The following GPATCH2 variants were observed in gnomAD, a reference collection of about 807,000 sequenced individuals.
The protein encoded by GPATCH2 is G-patch domain containing 2.
A neutral mutation model predicts 58.0 loss-of-function variants in GPATCH2; 51 were observed. The observed-to-expected ratio is 0.88, with a 90% CI of 0.70 to 1.11. The LOEUF is 1.11. GPATCH2 is among the 50% of genes most tolerant of loss of function. The probability of loss-of-function intolerance (pLI) is 0.00; values close to 1 mark genes in which losing one functional copy is unlikely to be tolerated. For missense variants in GPATCH2, 625 were observed against 652.2 expected (o/e 0.96, Z 0.45); for synonymous variants, 222 against 218.5 (o/e 1.02, Z -0.14).
intron 8 of GPATCH2, among the ~76,000 whole-genome samples, chr1:217,472,254 T>C (rs951999369): frequency 2.0e-5 from 3 of 151,232 alleles, no homozygotes; most frequent in African/African-American, 7.3e-5. Context: ...AAATGACGTA[T>C]CACTTAGTAT....
chr1:217,630,900 G>C lies in GPATCH2; in HGVS notation c.56+16C>G, dbSNP rs758239974. 1.1e-5 allele frequency: 18 copies of C among 1,580,596 alleles called. No individual in the cohort carries two copies. The Admixed American group carries it at 2.6e-4, about 23-fold the overall frequency. On this transcript the variant is annotated intron_variant, in intron 1 of 9. Transcript: ENST00000366935. ...CCCTTCCCTGACCTCCCCCTCCCCA[G>C]GGCCGCCAGCCTCACCAGCTGTTCC...
At chr1:217,598,219 C>T (rs1285602039) in intron 5 of GPATCH2, among the ~76,000 whole-genome samples, 1 of 152,012 alleles carries the variant, frequency 6.6e-6, no homozygotes. Flanking sequence ...AACCCTGACT[C>T]TACTAAAAAT....
At chr1:217,488,041 T>C (rs1172994107) in intron 8 of GPATCH2, among the ~76,000 whole-genome samples, 2 of 150,994 alleles carry the variant, frequency 1.3e-5, no homozygotes, top group African/African-American at 5.0e-5. Flanking sequence ...CACCCAGCCT[T>C]TAACTGTAAC....
intron 5 of GPATCH2, among the ~76,000 whole-genome samples, chr1:217,530,022 C>T (rs1389026433): frequency 6.6e-6 from 1 of 152,182 alleles, no homozygotes; most frequent in Non-Finnish European, 1.5e-5. Flanking sequence ...TTTCAATCTA[C>T]AGGTTACAAA....
At chr1:217,477,426 C>T (rs567031332) in intron 8 of GPATCH2, among the ~76,000 whole-genome samples, 2 of 152,266 alleles carry the variant, frequency 1.3e-5, no homozygotes, top group South Asian at 2.1e-4. Flanking sequence ...ATCCTGGGGT[C>T]CCTGATTCCA....
intron 5 of GPATCH2, among the ~76,000 whole-genome samples, chr1:217,605,532 T>C (rs975610701): frequency 3.3e-5 from 5 of 152,188 alleles, no homozygotes; most frequent in East Asian, 1.9e-4. Context: ...CCTATCACAA[T>C]TGTGTAAAAT....
chr1:217,451,440 C>T (rs562151691), intron 8 of GPATCH2, among the ~76,000 whole-genome samples: 1 of 152,280 alleles, frequency 6.6e-6, no homozygotes, highest in Non-Finnish European at 1.5e-5. Context: ...GTTTTGGGTC[C>T]ATTTAAACCA....
At chr1:217,617,096 T>C (rs1382562409) in intron 2 of GPATCH2, among the ~76,000 whole-genome samples, 1 of 152,200 alleles carries the variant, frequency 6.6e-6, no homozygotes, top group East Asian at 1.9e-4. Flanking sequence ...TTCTTCACTG[T>C]TAAAAATTCT....
At chr1:217,463,547 G>GT (rs1660294727) in intron 8 of GPATCH2, among the ~76,000 whole-genome samples, 1 of 144,912 alleles carries the variant, frequency 6.9e-6, no homozygotes, top group Non-Finnish European at 1.5e-5. Flanking sequence ...ATTTATGCCT[G>GT]TAATCCCAGC....
At chr1:217,432,050 T>C (rs1050937870) in intron 9 of GPATCH2, among the ~76,000 whole-genome samples, 1 of 151,900 alleles carries the variant, frequency 6.6e-6, no homozygotes, top group African/African-American at 2.4e-5. Flanking sequence ...TAAAGAGATA[T>C]ATATTATAAA....
At chr1:217,555,299 A>G (rs1490380841) in intron 5 of GPATCH2, among the ~76,000 whole-genome samples, 4 of 152,192 alleles carry the variant, frequency 2.6e-5, no homozygotes, top group African/African-American at 9.6e-5. Context: ...AATGATGTTC[A>G]ATAATTTCAT....
At chr1:217,521,707 A>G (rs1404713204) in intron 5 of GPATCH2, among the ~76,000 whole-genome samples, 1 of 152,200 alleles carries the variant, frequency 6.6e-6, no homozygotes, top group Non-Finnish European at 1.5e-5. Context: ...ACTTGGGGGA[A>G]AATTAGAGAA....
At chr1:217,628,620 AG>A (rs1368575986) in intron 1 of GPATCH2, among the ~76,000 whole-genome samples, 1 of 151,950 alleles carries the variant, frequency 6.6e-6, no homozygotes, top group African/African-American at 2.4e-5. Context: ...CAGAAACAAA[AG>A]TCCAGAGTCA....
chr1:217,545,286 C>T (rs1664979228), intron 5 of GPATCH2, among the ~76,000 whole-genome samples: 1 of 152,188 alleles, frequency 6.6e-6, no homozygotes. Flanking sequence ...CAGTGAAGCA[C>T]TGTTTATTCA....
chr1:217,626,862 TTCTC>T (rs1207624106), intron 1 of GPATCH2, among the ~76,000 whole-genome samples: 2 of 152,126 alleles, frequency 1.3e-5, no homozygotes, highest in African/African-American at 2.4e-5. Flanking sequence ...AGTAAATTTT[TTCTC>T]TCTTTTTGAA....
At chr1:217,612,133 T>C (rs1001430417) in intron 3 of GPATCH2, among the ~76,000 whole-genome samples, 19 of 151,754 alleles carry the variant, frequency 1.3e-4, no homozygotes, top group African/African-American at 4.6e-4. Flanking sequence ...TGAGCTATGA[T>C]TGCACCACCA....
chr1:217,548,309 C>T (rs1665170002), intron 5 of GPATCH2, among the ~76,000 whole-genome samples: 1 of 151,982 alleles, frequency 6.6e-6, no homozygotes, highest in African/African-American at 2.4e-5. Flanking sequence ...CCAATGGGTA[C>T]TAGATGTAAT....
chr1:217,462,397 C>T (rs1006195215), intron 8 of GPATCH2, among the ~76,000 whole-genome samples: 11 of 152,082 alleles, frequency 7.2e-5, no homozygotes, highest in South Asian at 2.1e-4. Flanking sequence ...AATCGATCTA[C>T]ATACTGTTTA....
intron 8 of GPATCH2, among the ~76,000 whole-genome samples, chr1:217,463,665 AAAAAAAAAAG>A (rs1339198534): frequency 2.1e-5 from 3 of 144,142 alleles, no homozygotes; most frequent in Non-Finnish European, 3.1e-5. Context: ...AAAAAAAAAA[AAAAAAAAAAG>A]GCAGGCATAG....
Sources: gnomAD v4.1 joint callset for allele counts (sites outside exome capture counted in the v4.1 genomes callset) on GRCh38, gnomAD v4.1.1 for gene constraint, MANE v1.5 for transcripts, NCBI Gene and HGNC (gene_info 2026-07-23, HGNC 2026-07-21) for gene names.